XRCC4: variants seen among roughly 807,000 people sequenced by gnomAD.
XRCC4 encodes the protein X-ray repair cross complementing 4, also known as DNA repair protein XRCC4.
XRCC4 carries 28 observed loss-of-function variants against 39.1 expected under a neutral mutation model. The observed-to-expected ratio is 0.72, with a 90% CI of 0.53 to 0.98. The LOEUF is 0.98. Among genes scored for constraint, XRCC4 ranks in the 50% least tolerant of loss-of-function variants. The pLI, the probability that XRCC4 is intolerant of heterozygous loss-of-function variation, is 0.00. For missense variants in XRCC4, 350 were observed against 376.4 expected, an observed-to-expected ratio of 0.93 and a Z score of 0.58; for synonymous variants, 123 against 126.4, an observed-to-expected ratio of 0.97 and a Z score of 0.18.
At chr5:83,208,138 A>AT (rs1424579607) in intron 6 of XRCC4, among the ~76,000 whole-genome samples, 1 of 151,988 alleles carries the variant, frequency 6.6e-6, no homozygotes, top group Non-Finnish European at 1.5e-5. Context: ...TTATTACCCA[A>AT]TTTCTTGATG....
At chr5:83,226,664 A>G (rs1347254173) in intron 6 of XRCC4, among the ~76,000 whole-genome samples, 1 of 152,134 alleles carries the variant, frequency 6.6e-6, no homozygotes, top group South Asian at 2.1e-4. Flanking sequence ...TTTATGGTAC[A>G]CTGCCTGGGA....
At chr5:83,130,202 CTT>C (rs199718284) in intron 3 of XRCC4, among the ~76,000 whole-genome samples, 73,911 of 151,376 alleles carry the variant, frequency 0.49, 18,905 homozygotes, top group African/African-American at 0.63. Flanking sequence ...TGTCAAAGGC[CTT>C]TTCTGCATCT....
At chr5:83,287,934 T>C (rs931227278) in intron 7 of XRCC4, among the ~76,000 whole-genome samples, 2 of 151,792 alleles carry the variant, frequency 1.3e-5, no homozygotes, top group Non-Finnish European at 2.9e-5. Context: ...GCTATAAATT[T>C]CCTCTCTAAG....
intron 3 of XRCC4, among the ~76,000 whole-genome samples, chr5:83,116,070 G>A (rs1009822997): frequency 6.6e-6 from 1 of 152,154 alleles, no homozygotes; most frequent in Non-Finnish European, 1.5e-5. Context: ...ACAATGTCTT[G>A]TAGATTCATC....
intron 3 of XRCC4, among the ~76,000 whole-genome samples, chr5:83,166,630 A>AT (rs549500319): frequency 0.028 from 3,779 of 135,128 alleles, 116 homozygotes; most frequent in African/African-American, 0.082. Context: ...CGCCTAGCTA[A>AT]TTTTTTTTTT....
chr5:83,350,224 G>A (rs1757039646), intron 7 of XRCC4, among the ~76,000 whole-genome samples: 1 of 152,148 alleles, frequency 6.6e-6, no homozygotes, highest in Non-Finnish European at 1.5e-5. Context: ...CAATGAACAT[G>A]CCAGTGCATG....
At chr5:83,199,938 T>C (rs1751112033) in intron 4 of XRCC4, among the ~76,000 whole-genome samples, 1 of 152,128 alleles carries the variant, frequency 6.6e-6, no homozygotes, top group South Asian at 2.1e-4. Flanking sequence ...GAGATTTGCC[T>C]GGATTTGATC....
At chr5:83,321,588 A>G (rs1219344170) in intron 7 of XRCC4, among the ~76,000 whole-genome samples, 1 of 152,162 alleles carries the variant, frequency 6.6e-6, no homozygotes, top group East Asian at 1.9e-4. Context: ...TTTTCAAATT[A>G]TTGTTAATCT....
At position 83,120,011 on chromosome 5, in the gene XRCC4, A is replaced by T. The variant is rs867906864; in HGVS notation, c.315+8808A>T. 8.3e-4 allele frequency among the ~76,000 whole-genome samples: 126 copies of T among 151,444 alleles called. 1 individual carries two copies. The highest frequency in any genetic ancestry group is 3.0e-3 in the African/African-American group (122 of 41,080). On this transcript the variant is annotated intron_variant, in intron 3 of 7. Transcript: ENST00000396027. ...GACCTTGTCTCACAAAAAAAAAAAA[A>T]AAAACAATAACAGAAACAAAAACAA... is the stretch of plus-strand genomic sequence containing the variant.
intron 1 of XRCC4, among the ~76,000 whole-genome samples, chr5:83,080,248 C>T (rs537063776): frequency 5.8e-4 from 89 of 152,180 alleles, no homozygotes; most frequent in African/African-American, 2.0e-3. Context: ...AAATTCCAGC[C>T]GGGTGCGGTG....
chr5:83,092,190 C>T (rs928019603), intron 1 of XRCC4, among the ~76,000 whole-genome samples: 18 of 152,012 alleles, frequency 1.2e-4, no homozygotes, highest in African/African-American at 1.2e-4. Flanking sequence ...CAATAGCTCA[C>T]GTTTTTATTG....
chr5:83,115,997 G>A (rs377729373), intron 3 of XRCC4, among the ~76,000 whole-genome samples: 1 of 152,246 alleles, frequency 6.6e-6, no homozygotes, highest in African/African-American at 2.4e-5. Flanking sequence ...AGTTCATTTG[G>A]CCAAGGTGTC....
chr5:83,172,949 C>G (rs755050157), intron 3 of XRCC4, among the ~76,000 whole-genome samples: 7 of 152,056 alleles, frequency 4.6e-5, no homozygotes, highest in Non-Finnish European at 7.4e-5. Context: ...CATCAGTTGT[C>G]TACAAGAAAA....
At chr5:83,088,518 T>C (rs891245382) in intron 1 of XRCC4, among the ~76,000 whole-genome samples, 6 of 142,576 alleles carry the variant, frequency 4.2e-5, no homozygotes, top group African/African-American at 1.6e-4. Context: ...TAAAACATAT[T>C]AAGTGACTAT....
chr5:83,139,456 A>G (rs1349790410), intron 3 of XRCC4, among the ~76,000 whole-genome samples: 1 of 152,210 alleles, frequency 6.6e-6, no homozygotes, highest in Non-Finnish European at 1.5e-5. Flanking sequence ...TTTGTAATTA[A>G]TAAGTATCTT....
chr5:83,128,619 A>G (rs547827814), intron 3 of XRCC4, among the ~76,000 whole-genome samples: 22 of 152,274 alleles, frequency 1.4e-4, no homozygotes, highest in African/African-American at 5.3e-4. Context: ...AATTCTCCAG[A>G]TCTTCTCCAG....
At chr5:83,110,085 T>A (rs1746374470) in intron 2 of XRCC4, among the ~76,000 whole-genome samples, 1 of 151,906 alleles carries the variant, frequency 6.6e-6, no homozygotes, top group South Asian at 2.1e-4. Context: ...CCCAAACTGA[T>A]AAAACTTGTA....
chr5:83,078,649 G>C (rs901748498), intron 1 of XRCC4, among the ~76,000 whole-genome samples: 1 of 152,172 alleles, frequency 6.6e-6, no homozygotes, highest in Non-Finnish European at 1.5e-5. Flanking sequence ...TAACTAACTT[G>C]ATATTTGAGT....
intron 7 of XRCC4, among the ~76,000 whole-genome samples, chr5:83,309,644 G>A (rs1221571755): frequency 6.6e-6 from 1 of 150,414 alleles, no homozygotes; most frequent in East Asian, 2.0e-4. Context: ...GGCGCCTGTA[G>A]TCCCAGCTAC....
Sources: allele counts gnomAD v4.1 joint callset (sites outside exome capture counted in the v4.1 genomes callset), GRCh38; gene constraint gnomAD v4.1.1; transcripts MANE v1.5; gene names NCBI Gene and HGNC (gene_info 2026-07-23, HGNC 2026-07-21).